Variants in CTNNA2 observed in about 807,000 individuals in gnomAD.
The protein encoded by CTNNA2 is catenin alpha-2.
A neutral mutation model predicts 101.0 loss-of-function variants in CTNNA2; 42 were observed. The ratio of observed to expected loss-of-function variants is 0.42; its 90% CI spans 0.32 to 0.54. The LOEUF (loss-of-function observed/expected upper bound fraction) is 0.54, where lower values mean the gene tolerates loss of function less well. Among genes scored for constraint, CTNNA2 ranks in the 20% least tolerant of loss-of-function variants. The pLI is 0.14. For synonymous variants in CTNNA2, 450 were observed against 456.4 expected, an observed-to-expected ratio of 0.99 and a Z score of 0.18; for missense variants, 871 against 1,223.1, an observed-to-expected ratio of 0.71 and a Z score of 4.29.
chr2:79,776,220 A>G (rs1337045650), intron 3 of CTNNA2, among the ~76,000 whole-genome samples: 1 of 151,992 alleles, frequency 6.6e-6, no homozygotes, highest in Non-Finnish European at 1.5e-5. Context: ...TTGTTTGTAT[A>G]TGCCTTAGAT....
intron 15 of CTNNA2, among the ~76,000 whole-genome samples, chr2:80,591,457 G>GTTTTTTTTTCTTTTTTTTTTTTTTTTTT (rs1696488662): frequency 1.4e-5 from 1 of 70,314 alleles, no homozygotes; most frequent in Non-Finnish European, 3.0e-5. Flanking sequence ...TGCACAGCCT[G>GTTTTTTTTTCTTTTTTTTTTTTTTTTTT]TTTTTTTTTT....
chr2:80,488,186 G>A (rs1362577428), intron 9 of CTNNA2, among the ~76,000 whole-genome samples: 1 of 152,190 alleles, frequency 6.6e-6, no homozygotes, highest in Non-Finnish European at 1.5e-5. Flanking sequence ...GCCAACAGAA[G>A]ATGGTTTTAC....
At chr2:79,995,105 A>G (rs1424167547) in intron 7 of CTNNA2, among the ~76,000 whole-genome samples, 1 of 152,198 alleles carries the variant, frequency 6.6e-6, no homozygotes, top group Non-Finnish European at 1.5e-5. Context: ...TAAACCTCAG[A>G]GCCTTAAATG....
At chr2:79,534,210 A>G (rs865984192) in intron 1 of CTNNA2, among the ~76,000 whole-genome samples, 39 of 152,204 alleles carry the variant, frequency 2.6e-4, no homozygotes, top group African/African-American at 8.7e-4. Context: ...ATTGTTATCT[A>G]TATTTAATAA....
intron 2 of CTNNA2, among the ~76,000 whole-genome samples, chr2:79,734,678 A>C (rs1670742487): frequency 6.6e-6 from 1 of 152,142 alleles, no homozygotes; most frequent in South Asian, 2.1e-4. Flanking sequence ...GCCAGGATTG[A>C]GACTAATTTG....
chr2:79,628,041 A>G (rs1281376881), intron 1 of CTNNA2, among the ~76,000 whole-genome samples: 2 of 152,160 alleles, frequency 1.3e-5, no homozygotes, highest in African/African-American at 4.8e-5. Flanking sequence ...ATTTATTTTA[A>G]AAAGCATGTT....
chr2:80,379,719 C>A (rs1334080151), intron 7 of CTNNA2, among the ~76,000 whole-genome samples: 1 of 152,260 alleles, frequency 6.6e-6, no homozygotes, highest in East Asian at 1.9e-4. Flanking sequence ...ATTGAACTAT[C>A]CTCCTGTTTC....
chr2:80,149,030 T>TA (rs1558853701), intron 7 of CTNNA2, among the ~76,000 whole-genome samples: 1 of 150,322 alleles, frequency 6.7e-6, no homozygotes, highest in Non-Finnish European at 1.5e-5. Context: ...GTTATTTTTT[T>TA]TTTTTTTTTT....
At chr2:80,080,413 T>C (rs1259406414) in intron 7 of CTNNA2, among the ~76,000 whole-genome samples, 1 of 152,034 alleles carries the variant, frequency 6.6e-6, no homozygotes, top group Non-Finnish European at 1.5e-5. Context: ...ACCTCGACAA[T>C]TCGATAGGGA....
chr2:79,720,132 C>T (rs975889316), intron 2 of CTNNA2, among the ~76,000 whole-genome samples: 2 of 152,138 alleles, frequency 1.3e-5, no homozygotes, highest in Non-Finnish European at 2.9e-5. Context: ...TATCCCAGCA[C>T]CATTTATTGA....
intron 1 of CTNNA2, among the ~76,000 whole-genome samples, chr2:79,194,027 A>G (rs1455451367): frequency 6.6e-6 from 1 of 152,190 alleles, no homozygotes; most frequent in Non-Finnish European, 1.5e-5. Flanking sequence ...CTTTATGAGT[A>G]TTGTTTTATA....
intron 3 of CTNNA2, among the ~76,000 whole-genome samples, chr2:79,792,135 A>G (rs773861916): frequency 6.6e-6 from 1 of 152,208 alleles, no homozygotes; most frequent in Non-Finnish European, 1.5e-5. Flanking sequence ...ATAGCCGTGT[A>G]GGTGACTGGT....
chr2:80,352,324 G>T (rs1481237715), intron 7 of CTNNA2, among the ~76,000 whole-genome samples: 1 of 152,072 alleles, frequency 6.6e-6, no homozygotes, highest in Non-Finnish European at 1.5e-5. Flanking sequence ...ACCTATAAAG[G>T]AGCCATTTTT....
At chr2:79,222,196 C>T (rs1212341986) in intron 2 of CTNNA2, among the ~76,000 whole-genome samples, 4 of 152,046 alleles carry the variant, frequency 2.6e-5, no homozygotes, top group South Asian at 4.2e-4. Flanking sequence ...ACCAGGCAGG[C>T]GATATAAAGG....
Position 80,539,309 on chromosome 2 carries a change from T to C in CTNNA2, c.1291-5673T>C, listed in dbSNP as rs537932885. 1.8e-4 allele frequency among the ~76,000 whole-genome samples: 18 copies of C among 99,432 alleles called. No homozygotes were observed. The South Asian group carries it at 6.0e-3, about 33-fold the overall frequency. The allele number at this position is 99,432 out of a possible 152,430, so 65.2% of individuals were successfully genotyped here. A position where few individuals can be genotyped will look rare whatever the true frequency, so the allele number is the denominator to read the frequency against. On this transcript the variant is annotated intron_variant, in intron 9 of 18. Coordinates refer to ENST00000402739, the MANE Select transcript of CTNNA2 (RefSeq NM_001282597.3). The stretch of plus-strand genomic sequence containing the variant: ...TCAAAAAATAGGCATAGGCTCTCCT[T>C]GCTTTTTTTTTTTTGTTGTTGTTGT...
chr2:79,629,276 T>C (rs1679529487), intron 1 of CTNNA2, among the ~76,000 whole-genome samples: 1 of 152,126 alleles, frequency 6.6e-6, no homozygotes, highest in Non-Finnish European at 1.5e-5. Context: ...CTTTGAAAGG[T>C]ACTGACCTAT....
At chr2:79,577,318 A>G (rs2103871273) in intron 1 of CTNNA2, among the ~76,000 whole-genome samples, 1 of 152,222 alleles carries the variant, frequency 6.6e-6, no homozygotes, top group East Asian at 1.9e-4. Flanking sequence ...TTAATATTAT[A>G]TTAGTTACAT....
intron 4 of CTNNA2, among the ~76,000 whole-genome samples, chr2:79,446,668 A>G (rs552050828): frequency 6.6e-6 from 1 of 152,160 alleles, no homozygotes. Flanking sequence ...TCAGCTTTCA[A>G]TTCTCTAGGG....
chr2:79,556,489 G>C (rs562698375), intron 1 of CTNNA2, among the ~76,000 whole-genome samples: 1 of 152,146 alleles, frequency 6.6e-6, no homozygotes, highest in East Asian at 1.9e-4. Context: ...CAACAAACAT[G>C]AGATGATTCT....
Sources: gnomAD v4.1 joint callset for allele counts (sites outside exome capture counted in the v4.1 genomes callset) on GRCh38, gnomAD v4.1.1 for gene constraint, MANE v1.5 for transcripts, NCBI Gene and HGNC (gene_info 2026-07-23, HGNC 2026-07-21) for gene names.